Variants in NAALADL1 observed in about 807,000 individuals in gnomAD.
NAALADL1 encodes the protein N-acetylated alpha-linked acidic dipeptidase like 1.
Under a neutral mutation model 82.8 loss-of-function variants are expected in NAALADL1, and 77 were observed. That is an observed-to-expected ratio of 0.93 (90% CI 0.77 to 1.12). NAALADL1 has a LOEUF of 1.12. Ranked by LOEUF, NAALADL1 falls within the 50% of genes most tolerant of loss-of-function variation. The pLI is 0.00. For synonymous variants in NAALADL1, 358 were observed against 399.2 expected, an observed-to-expected ratio of 0.90 and a Z score of 1.23; for missense variants, 956 against 964.0, an observed-to-expected ratio of 0.99 and a Z score of 0.11.
chr11:65,059,989 G>T (rs935822385), upstream of NAALADL1, among the ~76,000 whole-genome samples: 1 of 152,174 alleles, frequency 6.6e-6, no homozygotes, highest in Non-Finnish European at 1.5e-5. Flanking sequence ...GGGCTGGGGG[G>T]GTCCCTAGGG....
chr11:65,045,536 A>C, intron 17 of NAALADL1, 79 bp from the exon 18 acceptor site: 1 of 1,423,782 alleles, frequency 7.0e-7, no homozygotes, highest in South Asian at 1.4e-5. Flanking sequence ...GAACTGGCTC[A>C]GCTCCTGTAC....
At chr11:65,058,600 C>T (rs2137043957), upstream of NAALADL1, 3 of 1,346,174 alleles carry the variant, frequency 2.2e-6, no homozygotes, top group Middle Eastern at 2.1e-4. Context: ...CCTGGTTAAA[C>T]ATTACCCCAT....
At chr11:65,057,738 A>G in intron 3 of NAALADL1, 137 bp downstream of exon 3, 1 of 1,371,642 alleles carries the variant, frequency 7.3e-7, no homozygotes, top group South Asian at 1.3e-5. Context: ...AGGAGCAGCG[A>G]TGGAGTGTCC....
At chr11:65,048,626 C>G (rs1437342240) in intron 8 of NAALADL1, 2 of 570,536 alleles carry the variant, frequency 3.5e-6, no homozygotes, top group Admixed American at 6.1e-5. Flanking sequence ...GCCCCTCTCT[C>G]TCTGTGGGCA....
At chr11:65,058,667 G>T, upstream of NAALADL1, 1 of 757,962 alleles carries the variant, frequency 1.3e-6, no homozygotes, top group Non-Finnish European at 2.1e-6. Flanking sequence ...ACATCCCGCA[G>T]TGAGAGCCAG....
chr11:65,058,911 A>G (rs1291963975), upstream of NAALADL1, among the ~76,000 whole-genome samples: 5 of 151,950 alleles, frequency 3.3e-5, no homozygotes, highest in Non-Finnish European at 7.4e-5. Flanking sequence ...TCTACAGCAT[A>G]CCCAGCCCTA....
At position 65,045,413 on chromosome 11, in the gene NAALADL1, G is replaced by A. The variant is rs768081211; in HGVS notation, c.2081C>T (p.Pro694Leu). 12 of 1,612,916 alleles carry A rather than the reference G, an allele frequency of 7.4e-6. No homozygotes were observed. The highest frequency in any genetic ancestry group is 1.6e-4 in the Middle Eastern group (1 of 6,078). Residue 694 changes from proline (P) to leucine (L), a missense_variant, in exon 18 of 18, where the codon CCG (proline) becomes CTG (leucine). Transcript: ENST00000358658. ...CCTGGAGCAGGCATTGGATAGGCCC[G>A]GGAATGTGACTACGGAGCCCGTGCG... ...APRTGSVVTF[P>L]GLSNACSRAR... is the part of the protein sequence containing the mutation.
rs1008091711 is a variant in NAALADL1 at position 65,047,694 on chromosome 11, C to G, written c.1461G>C (p.Trp487Cys). The change falls in exon 12 of 18, where the codon TGG (tryptophan) becomes TGC (cysteine). Residue 487 changes from tryptophan to cysteine, a missense_variant. By Grantham distance (215) the Trp-to-Cys change is radical. Coordinates refer to ENST00000358658, the MANE Select transcript of NAALADL1 (RefSeq NM_005468.3). ...GGCTGCTGCGGTTGAAGTACCGGAT[C>G]CAGTTGTCGTAGATGCTCAGGTCGC... The part of the protein sequence containing the change: ...GPGDLSIYDN[W>C]IRYFNRSSPV... 1.2e-6 allele frequency: 2 copies of G among 1,608,650 alleles called. No individual in the cohort carries two copies. Among genetic ancestry groups the G allele is most frequent in the African/African-American group, 1.3e-5 (1 of 75,002 alleles).
intron 4 of NAALADL1, among the ~76,000 whole-genome samples, chr11:65,056,551 T>C (rs1448013869): frequency 1.3e-5 from 2 of 151,912 alleles, no homozygotes; most frequent in Admixed American, 6.6e-5. Flanking sequence ...AGGTGCACGC[T>C]GCCACACCCA....
In NAALADL1 at chr11:65,057,473, G is replaced by A. The variant is rs1947072355; in HGVS notation, c.501C>T (p.Asn167=). ...CCTTAAAGTCTTCTTCCGCGCCCCG[G>A]TTGGCATAGACGAGGAGGCCCTAGT... ...GTPQGLLVYA[N]RGAEEDFKEL... is the part of the protein sequence containing the mutation. Residue 167 remains asparagine (N), a synonymous_variant, in exon 4 of 18, where the codon AAC becomes AAT. Transcript: ENST00000358658. 1 of 1,613,886 alleles carries A rather than the reference G, an allele frequency of 6.2e-7. No homozygotes were observed. Among genetic ancestry groups the A allele is most frequent in the Non-Finnish European group, 8.5e-7 (1 of 1,179,926 alleles).
chr11:65,053,253 T>C lies in NAALADL1; in HGVS notation c.1163A>G (p.Glu388Gly). Residue 388 changes from glutamate to glycine, a missense_variant, in exon 8 of 18, where the codon GAG becomes GGG. Physicochemically the swap from Glu to Gly is moderately conservative, Grantham distance 98. Transcript: ENST00000358658. This position sits in a 1 kb window ranked among gnomAD's most constrained non-coding sequence, Gnocchi z 4.3. ...DPSSGTAVLL[E>G]LSRVLGTLLK... ...CAGGGTCCCCAGGACACGGGAGAGCTCCAGGAGGACGGCGGTGCCACTGCT... is the reference window on the plus strand; with the variant it reads ...CAGGGTCCCCAGGACACGGGAGAGCCCCAGGAGGACGGCGGTGCCACTGCT... 1 of 1,552,470 alleles carries C rather than the reference T, an allele frequency of 6.4e-7. No homozygotes were observed. Among genetic ancestry groups the C allele is most frequent in the East Asian group, 2.4e-5 (1 of 41,480 alleles).
At position 65,047,098 on chromosome 11, in the gene NAALADL1, C is replaced by T. The variant is rs373754745; in HGVS notation, c.1599+377G>A. Among the ~76,000 whole-genome samples the T allele has an allele frequency of 2.8e-4, 42 of 150,060 alleles. 1 individual carries two copies. In the East Asian group the frequency reaches 5.2e-3, roughly 19 times the overall value. ...CTTTCCTGAATATTGCATAACATAA[C>T]GGCACATCTTATAATCAGTAGTATC... On this transcript the variant is annotated intron_variant, in intron 13 of 17. Coordinates refer to ENST00000358658, the MANE Select transcript of NAALADL1 (RefSeq NM_005468.3).
At chr11:65,045,993 G>A in intron 16 of NAALADL1, 34 bp downstream of exon 16, 1 of 1,611,364 alleles carries the variant, frequency 6.2e-7, no homozygotes, top group Non-Finnish European at 8.5e-7. Flanking sequence ...CCTGGGTGCT[G>A]CCCTCCCAGC....
intron 12 of NAALADL1, 21 bp downstream of exon 12, chr11:65,047,626 C>A (rs372672304): frequency 6.9e-6 from 11 of 1,592,326 alleles, no homozygotes; most frequent in Non-Finnish European, 6.8e-6. Flanking sequence ...GCTCCGGGCC[C>A]CCTTCTGTCC....
Position 65,045,209 on chromosome 11 carries a change from T to A in NAALADL1, c.*62A>T. 6.4e-7 allele frequency: 1 copy of A among 1,553,822 alleles called. No individual in the cohort carries two copies. The highest frequency in any genetic ancestry group is 8.7e-7 in the Non-Finnish European group (1 of 1,144,604). On this transcript the variant is annotated 3_prime_UTR_variant, in exon 18 of 18. Coordinates refer to ENST00000358658, the MANE Select transcript of NAALADL1 (RefSeq NM_005468.3). ...TCTGGCACCAAGGAAGACCAGGACATCTCAGGAAAGCAGGCAGGAGAGGGT... is the reference window on the plus strand; with the variant it reads ...TCTGGCACCAAGGAAGACCAGGACAACTCAGGAAAGCAGGCAGGAGAGGGT...
rs777622981 is a variant in NAALADL1 at position 65,047,712 on chromosome 11, C to G, written c.1443G>C (p.Leu481=). Residue 481 remains leucine, a synonymous_variant, in exon 12 of 18, where the codon CTG becomes CTC. Coordinates refer to ENST00000358658, the MANE Select transcript of NAALADL1 (RefSeq NM_005468.3). ...ACCGGATCCAGTTGTCGTAGATGCT[C>G]AGGTCGCCAGGGCCTGGTGAGCGGA... ...KEIRSPGPGD[L]SIYDNWIRYF... 1 of 1,606,368 alleles carries G rather than the reference C, an allele frequency of 6.2e-7. No homozygotes were observed. The highest frequency in any genetic ancestry group is 1.1e-5 in the South Asian group (1 of 88,952).
intron 8 of NAALADL1, among the ~76,000 whole-genome samples, chr11:65,051,673 G>C (rs879286723): frequency 1.8e-4 from 28 of 151,914 alleles, no homozygotes; most frequent in Non-Finnish European, 3.8e-4. Context: ...ATCATACAAG[G>C]GGGGGGATGG....
chr11:65,048,505 A>T (rs1021890440), intron 8 of NAALADL1, 120 bp from the exon 9 acceptor site: 27 of 1,089,380 alleles, frequency 2.5e-5, no homozygotes, highest in Non-Finnish European at 3.4e-5. Context: ...TGGTGACAGG[A>T]TGTCCTGGCA....
rs1426517901 is a variant in NAALADL1, at chr11:65,048,288, A to G, written c.1284+12T>C. The stretch of plus-strand genomic sequence containing the variant: ...AACCCCTTTCGATCCCCTACCCTGT[A>G]GGGCCACTCACTTCTGTGAATTCCG... On this transcript the variant is annotated intron_variant, in intron 9 of 17. Transcript: ENST00000358658. The G allele has an allele frequency of 6.2e-7, 1 of 1,614,116 alleles. No homozygotes were observed. The highest frequency in any genetic ancestry group is 1.7e-5 in the Admixed American group (1 of 60,002).
Sources: allele counts gnomAD v4.1 joint callset (sites outside exome capture counted in the v4.1 genomes callset), GRCh38; gene constraint gnomAD v4.1.1; non-coding constraint Gnocchi (gnomAD v3.1); transcripts MANE v1.5; gene names NCBI Gene and HGNC (gene_info 2026-07-23, HGNC 2026-07-21).